Variants in FBXL13 observed in about 807,000 individuals in gnomAD.
FBXL13 encodes F-box and leucine rich repeat protein 13.
FBXL13 carries 67 observed loss-of-function variants against 83.6 expected under a neutral mutation model. The observed-to-expected ratio is 0.80, with a 90% CI of 0.66 to 0.98. The LOEUF (loss-of-function observed/expected upper bound fraction) is 0.98. FBXL13 is among the 50% of genes least tolerant of loss of function. The pLI is 0.00. For synonymous variants in FBXL13, 272 were observed against 299.5 expected (o/e 0.91, Z 0.95); for missense variants, 822 against 866.5 (o/e 0.95, Z 0.64).
intron 6 of FBXL13, among the ~76,000 whole-genome samples, chr7:103,010,235 G>T (rs1401045375): frequency 6.6e-6 from 1 of 151,896 alleles, no homozygotes; most frequent in African/African-American, 2.4e-5. Flanking sequence ...ATGCCTGCTA[G>T]AGCTTTCAGC....
intron 11 of FBXL13, 114 bp downstream of exon 12, chr7:102,912,972 G>A: frequency 2.2e-6 from 3 of 1,381,272 alleles, no homozygotes; most frequent in South Asian, 1.5e-5. Context: ...TAAAACCTCT[G>A]AAAAGTGTGC....
chr7:102,813,353 G>T, exon 20 of FBXL13: 2 of 1,608,108 alleles, frequency 1.2e-6, no homozygotes, highest in South Asian at 1.1e-5. Flanking sequence ...CACGCTGCTT[G>T]GTCTTCACTG....
At chr7:102,897,027 A>T (rs377638583) in intron 11 of FBXL13, among the ~76,000 whole-genome samples, 4 of 151,940 alleles carry the variant, frequency 2.6e-5, no homozygotes, top group African/African-American at 9.7e-5. Flanking sequence ...TTTTTAAGAT[A>T]CAAGAGTCTA....
intron 16 of FBXL13, among the ~76,000 whole-genome samples, chr7:102,874,930 A>G (rs1420885249): frequency 6.6e-6 from 1 of 152,262 alleles, no homozygotes; most frequent in Non-Finnish European, 1.5e-5. Context: ...CTTTAAAAAT[A>G]AAACCTGAGC....
intron 11 of FBXL13, among the ~76,000 whole-genome samples, chr7:102,887,678 G>A (rs990188679): frequency 1.3e-5 from 2 of 152,126 alleles, no homozygotes; most frequent in Non-Finnish European, 2.9e-5. Flanking sequence ...ACTGAATGAA[G>A]TTCACCCACA....
intron 6 of FBXL13, among the ~76,000 whole-genome samples, chr7:102,985,023 T>C (rs768633645): frequency 7.9e-5 from 12 of 152,210 alleles, no homozygotes; most frequent in East Asian, 1.9e-4. Flanking sequence ...CTACCCTTGA[T>C]TGGGGTCCTG....
intron 6 of FBXL13, among the ~76,000 whole-genome samples, chr7:102,984,371 TATCC>T (rs1021772282): frequency 6.6e-6 from 1 of 152,196 alleles, no homozygotes; most frequent in Non-Finnish European, 1.5e-5. Flanking sequence ...TCTACCTATC[TATCC>T]ATCCATCCAT....
intron 2 of FBXL13, chr7:103,047,177 C>T (rs917188522): frequency 6.6e-6 from 1 of 152,108 alleles, no homozygotes; most frequent in African/African-American, 2.4e-5. Flanking sequence ...ATTGTCTTCC[C>T]AGGAATATGG....
At chr7:102,978,176 T>A (rs1357992694) in intron 6 of FBXL13, among the ~76,000 whole-genome samples, 1 of 152,206 alleles carries the variant, frequency 6.6e-6, no homozygotes, top group Non-Finnish European at 1.5e-5. Context: ...AATGACAAGA[T>A]GGATACTAAC....
chr7:102,961,616 T>C (rs1256586161), intron 8 of FBXL13, among the ~76,000 whole-genome samples: 7 of 151,732 alleles, frequency 4.6e-5, no homozygotes, highest in Non-Finnish European at 8.8e-5. Context: ...CAAAACAGCA[T>C]GGTACTGGTA....
intron 18 of FBXL13, chr7:102,827,228 G>C: frequency 4.6e-6 from 2 of 433,270 alleles, no homozygotes; most frequent in South Asian, 3.2e-5. Flanking sequence ...GAGACCGCAT[G>C]AAGCAGGAGG....
intron 8 of FBXL13, chr7:102,934,697 TCTTA>T (rs768188544): frequency 6.9e-5 from 107 of 1,560,424 alleles, no homozygotes; most frequent in Non-Finnish European, 8.5e-5. Context: ...TTTGTACTTT[TCTTA>T]CTTTTTCATT....
chr7:102,951,044 G>A (rs1047828870), intron 8 of FBXL13, among the ~76,000 whole-genome samples: 2 of 152,156 alleles, frequency 1.3e-5, no homozygotes, highest in Admixed American at 6.6e-5. Context: ...TTCACCAATT[G>A]TAACAAGTGT....
Position 103,015,803 on chromosome 7 carries a change from A to AAAAT in FBXL13, c.495+9259_495+9260insATTT. 1.3e-5 allele frequency among the ~76,000 whole-genome samples: 2 copies of AAAAT among 151,630 alleles called. 1 individual carries two copies. The highest frequency in any genetic ancestry group is 3.9e-4 in the East Asian group (2 of 5,186). ...CAGAGTGAGACTCTCATCTCAAAAA[A>AAAAT]AAAAAAAAAGCAATGTACAAAAATC... On this transcript the variant is annotated intron_variant, in intron 6 of 19. Coordinates refer to ENST00000313221, the Ensembl canonical transcript of FBXL13.
At chr7:102,811,474 TA>T (rs1797431488), downstream of FBXL13, among the ~76,000 whole-genome samples, 1 of 152,234 alleles carries the variant, frequency 6.6e-6, no homozygotes, top group Non-Finnish European at 1.5e-5. Context: ...TATGTAGCTG[TA>T]AAATTTGTCT....
chr7:102,944,081 G>A lies in FBXL13; in HGVS notation c.725-12148C>T, dbSNP rs181420716. 287 of 720,576 alleles carry A rather than the reference G, an allele frequency of 4.0e-4. 1 individual carries two copies. The highest frequency in any genetic ancestry group is 5.3e-4 in the Non-Finnish European group (247 of 462,086). The allele number at this position is 720,576 out of a possible 1,614,324, so 44.6% of individuals were successfully genotyped here. The stretch of plus-strand genomic sequence containing the variant: ...AGTAAAAGCTCTGAGAAAAAGAAAG[G>A]AAAAGAAATCTCTTTATTTTCAAAG... On this transcript the variant is annotated intron_variant, in intron 8 of 19. Coordinates refer to ENST00000313221, the Ensembl canonical transcript of FBXL13.
intron 17 of FBXL13, among the ~76,000 whole-genome samples, chr7:102,837,504 C>T (rs1802205148): frequency 6.6e-6 from 1 of 152,222 alleles, no homozygotes; most frequent in Admixed American, 6.5e-5. Flanking sequence ...GTGGTTTATT[C>T]TACAGTCTTC....
At chr7:103,008,910 TA>T (rs1293739239) in intron 6 of FBXL13, among the ~76,000 whole-genome samples, 1 of 152,074 alleles carries the variant, frequency 6.6e-6, no homozygotes, top group African/African-American at 2.4e-5. Flanking sequence ...TATAAATCTA[TA>T]AAAGCAAAAT....
chr7:102,854,712 G>A, intron 17 of FBXL13, 65 bp downstream of exon 18: 4 of 991,702 alleles, frequency 4.0e-6, no homozygotes, highest in South Asian at 1.9e-5. Context: ...TTATTCATTG[G>A]AAAAAAAAGA....
Sources: gnomAD v4.1 joint callset for allele counts (sites outside exome capture counted in the v4.1 genomes callset) on GRCh38, gnomAD v4.1.1 for gene constraint, MANE v1.5 for transcripts, NCBI Gene and HGNC (gene_info 2026-07-23, HGNC 2026-07-21) for gene names.